The following RANBP17 variants were observed in gnomAD, a reference collection of about 807,000 sequenced individuals.
RANBP17 encodes the protein RAN binding protein 17.
RANBP17 carries 158 observed loss-of-function variants against 141.2 expected under a neutral mutation model. That is an observed-to-expected ratio of 1.12 (90% CI 0.98 to 1.28). RANBP17 has a LOEUF of 1.28. Among genes scored for constraint, RANBP17 ranks in the 50% most tolerant of loss-of-function variants. The pLI is 0.00. For synonymous variants in RANBP17, 430 were observed against 450.0 expected (o/e 0.96, Z 0.56); for missense variants, 1,438 against 1,290.7 (o/e 1.11, Z -1.75).
At chr5:171,069,509 ATTG>A (rs1784510091) in intron 14 of RANBP17, among the ~76,000 whole-genome samples, 1 of 152,172 alleles carries the variant, frequency 6.6e-6, no homozygotes, top group African/African-American at 2.4e-5. Flanking sequence ...TTACCCTGCC[ATTG>A]TTGTGTCATC....
intron 1 of RANBP17, among the ~76,000 whole-genome samples, chr5:170,864,917 T>C (rs574868487): frequency 5.9e-5 from 9 of 152,364 alleles, no homozygotes; most frequent in African/African-American, 1.9e-4. Flanking sequence ...TGGTCTTTTA[T>C]ATTCACCAGT....
In RANBP17 at chr5:171,186,691, T is replaced by C. The variant is rs950011633; in HGVS notation, c.2038+3261T>C. Among the ~76,000 whole-genome samples the C allele has an allele frequency of 4.7e-5, 7 of 149,694 alleles. No individual in the cohort carries two copies. In the East Asian group the frequency reaches 7.9e-4, roughly 17 times the overall value. ...AGCTGGGACTACAGGCGCCCGCCAC[T>C]ACGCCCGGCTAATTTTTTGTATTTT... On this transcript the variant is annotated intron_variant, in intron 18 of 27. Transcript: ENST00000523189.
rs189963958 is a variant in RANBP17, at chr5:170,939,303, A to G, written c.1469-14294A>G. On this transcript the variant is annotated intron_variant, in intron 12 of 27. Transcript: ENST00000523189. ...AGGTTATTTTCGAGGAAGAAGGGGCATGGTCCCAGAAGGAAGAAAAGGAGT... is the reference window on the plus strand; with the variant it reads ...AGGTTATTTTCGAGGAAGAAGGGGCGTGGTCCCAGAAGGAAGAAAAGGAGT... Among the ~76,000 whole-genome samples the G allele has an allele frequency of 2.0e-4, 30 of 152,198 alleles. No homozygotes were observed. In the East Asian group the frequency reaches 4.2e-3, roughly 22 times the overall value.
rs371024177 is a variant in RANBP17, at chr5:171,112,961, G to C, written c.1711-57169G>C. ...ACAAGCAAAGTTATATAAGTTGCCA[G>C]AGTCTTGGCTTCCCCTTTAAAACTT... On this transcript the variant is annotated intron_variant, in intron 14 of 27. Transcript: ENST00000523189. 1.2e-4 allele frequency among the ~76,000 whole-genome samples: 18 copies of C among 152,142 alleles called. No individual in the cohort carries two copies. In the East Asian group the frequency reaches 1.3e-3, roughly 11 times the overall value.
chr5:170,979,514 G>A lies in RANBP17; in HGVS notation c.1710+11137G>A, dbSNP rs535452693. ...ATCTCACCTTGATTTCCCATGTGTT[G>A]TGGGAGGGACCCAGTGAGAGGTAAT... On this transcript the variant is annotated intron_variant, in intron 14 of 27. Coordinates refer to ENST00000523189, the MANE Select transcript of RANBP17 (RefSeq NM_022897.5). Among the ~76,000 whole-genome samples the A allele has an allele frequency of 1.3e-3, 194 of 152,266 alleles. No individual in the cohort carries two copies. The Middle Eastern group carries it at 0.027, about 21-fold the overall frequency.
chr5:170,955,648 GTATATATATATATATATA>G (rs1159344330), intron 13 of RANBP17, among the ~76,000 whole-genome samples: 10 of 21,752 alleles, frequency 4.6e-4, no homozygotes, highest in Non-Finnish European at 9.0e-4. Flanking sequence ...TATGCTCAGT[GTATATATATATATATATA>G]TATATATATA....
In RANBP17 at chr5:170,894,486, T is replaced by TATATATATATATATATATA. The variant is rs376342999; in HGVS notation, c.424-1564_424-1563insATATATATATATATATATA. On this transcript the variant is annotated intron_variant, in intron 4 of 27. Transcript: ENST00000523189. ...CCATAGAATAGTTAGTACGTGTTTT[T>TATATATATATATATATATA]TATATATATATATATATATATGGCT... 6.1e-3 allele frequency among the ~76,000 whole-genome samples: 816 copies of TATATATATATATATATATA among 133,148 alleles called. 47 individuals carry two copies. The highest frequency in any genetic ancestry group is 0.02 in the African/African-American group (674 of 34,102). 87.4% of individuals were successfully genotyped at this position (133,148 alleles called of 152,430 possible).
intron 14 of RANBP17, among the ~76,000 whole-genome samples, chr5:171,056,981 A>G (rs913662786): frequency 1.3e-5 from 2 of 152,210 alleles, no homozygotes; most frequent in Admixed American, 1.3e-4. Flanking sequence ...TCAAGAAAGG[A>G]AGCTAACTTT....
At chr5:171,195,984 CA>C (rs1461065363) in intron 18 of RANBP17, among the ~76,000 whole-genome samples, 2 of 152,322 alleles carry the variant, frequency 1.3e-5, no homozygotes, top group East Asian at 3.9e-4. Context: ...AGTCAATCCA[CA>C]AACATTTCTT....
chr5:171,132,871 G>A (rs1304148642), intron 14 of RANBP17, among the ~76,000 whole-genome samples: 1 of 151,964 alleles, frequency 6.6e-6, no homozygotes, highest in Non-Finnish European at 1.5e-5. Context: ...AATAATTCTT[G>A]AGATTAGTCA....
intron 12 of RANBP17, among the ~76,000 whole-genome samples, chr5:170,926,909 A>G (rs1373939432): frequency 5.9e-5 from 9 of 151,964 alleles, no homozygotes; most frequent in Non-Finnish European, 1.2e-4. Flanking sequence ...GCTTGTTTTC[A>G]TTTAGTGTTT....
chr5:171,014,608 T>G (rs560687100), intron 14 of RANBP17, among the ~76,000 whole-genome samples: 11 of 152,152 alleles, frequency 7.2e-5, no homozygotes, highest in African/African-American at 2.6e-4. Context: ...CTTGTTCTAT[T>G]GTTGTCATAT....
At chr5:171,082,291 T>C (rs1046048663) in intron 14 of RANBP17, among the ~76,000 whole-genome samples, 1 of 152,158 alleles carries the variant, frequency 6.6e-6, no homozygotes, top group Non-Finnish European at 1.5e-5. Flanking sequence ...GGAATGATGA[T>C]TAATCAGCCA....
intron 13 of RANBP17, among the ~76,000 whole-genome samples, chr5:170,966,864 A>G (rs1169028478): frequency 1.3e-5 from 2 of 152,094 alleles, no homozygotes; most frequent in South Asian, 2.1e-4. Flanking sequence ...TACAAAATCA[A>G]TGTACAAAAA....
At chr5:171,277,938 CTTTTTTTTTTTTTTTTT>C (rs140208253) in intron 25 of RANBP17, among the ~76,000 whole-genome samples, 18 of 72,266 alleles carry the variant, frequency 2.5e-4, no homozygotes, top group African/African-American at 9.1e-4. Context: ...GGACTTCTTT[CTTTTTTTTTTTTTTTTT>C]TTTTTTTTTT....
At chr5:170,940,531 CA>C (rs969917213) in intron 12 of RANBP17, among the ~76,000 whole-genome samples, 5 of 152,106 alleles carry the variant, frequency 3.3e-5, no homozygotes, top group African/African-American at 1.2e-4. Flanking sequence ...TATTTCAGAT[CA>C]GGGGTACTCA....
chr5:170,955,448 C>G, intron 13 of RANBP17, among the ~76,000 whole-genome samples: 1 of 94,270 alleles, frequency 1.1e-5, no homozygotes, highest in Non-Finnish European at 2.2e-5. Context: ...TTTGAAAGAG[C>G]TCAGTATATA....
chr5:171,256,748 T>C (rs1468712781), intron 24 of RANBP17, among the ~76,000 whole-genome samples: 2 of 151,762 alleles, frequency 1.3e-5, no homozygotes, highest in South Asian at 2.1e-4. Flanking sequence ...CACAGAAATA[T>C]GAAAGATCAT....
intron 14 of RANBP17, among the ~76,000 whole-genome samples, chr5:171,160,799 G>T (rs186919469): frequency 0.012 from 1,829 of 148,660 alleles, 34 homozygotes; most frequent in African/African-American, 0.042. Flanking sequence ...ATTCTTTTTG[G>T]TTTTTTTTTT....
Sources: gnomAD v4.1 joint callset for allele counts (sites outside exome capture counted in the v4.1 genomes callset) on GRCh38, gnomAD v4.1.1 for gene constraint, MANE v1.5 for transcripts, NCBI Gene and HGNC (gene_info 2026-07-23, HGNC 2026-07-21) for gene names.